Variants in GABRA3 observed in about 807,000 individuals in gnomAD.
GABRA3 encodes gamma-aminobutyric acid type A receptor subunit alpha3.
Under a neutral mutation model 30.1 loss-of-function variants are expected in GABRA3, and 10 were observed. The ratio of observed to expected loss-of-function variants is 0.33; its 90% confidence interval spans 0.20 to 0.56. GABRA3 has a LOEUF of 0.56. Among genes scored for constraint, GABRA3 ranks in the 20% least tolerant of loss-of-function variants. The pLI is 0.89. For missense variants in GABRA3, 233 were observed against 392.0 expected, an observed-to-expected ratio of 0.59 and a Z score of 3.42; for synonymous variants, 151 against 146.8, an observed-to-expected ratio of 1.03 and a Z score of -0.21.
intron 1 of GABRA3, among the ~76,000 whole-genome samples, chrX:152,379,009 G>T (rs1336803803): frequency 9.0e-6 from 1 of 111,370 alleles, no homozygotes; most frequent in Admixed American, 9.6e-5. Context: ...ACAAAACATA[G>T]ATGTCTCTCA....
intron 3 of GABRA3, among the ~76,000 whole-genome samples, chrX:152,298,208 T>C (rs757366865): frequency 2.0e-3 from 219 of 112,168 alleles, no homozygotes; most frequent in African/African-American, 6.6e-3. Context: ...TCAAGTTAAC[T>C]ATGCCTCAGT....
At chrX:152,315,452 C>G (rs763396458) in intron 3 of GABRA3, among the ~76,000 whole-genome samples, 49 of 111,261 alleles carry the variant, frequency 4.4e-4, no homozygotes, top group African/African-American at 1.5e-3. Context: ...AGAAGGAAAC[C>G]CCCAGCTGAA....
chrX:152,394,036 T>A (rs1462273905), intron 1 of GABRA3, among the ~76,000 whole-genome samples: 5 of 111,699 alleles, frequency 4.5e-5, no homozygotes, highest in Admixed American at 2.9e-4. Flanking sequence ...ATCATTGTCA[T>A]GTCATCATCA....
At chrX:152,391,824 C>T (rs1260565883) in intron 1 of GABRA3, among the ~76,000 whole-genome samples, 1 of 111,512 alleles carries the variant, frequency 9.0e-6, no homozygotes. Context: ...GACTAAGGTA[C>T]ACAACCAGAC....
At chrX:152,274,077 C>A (rs1938997765) in intron 4 of GABRA3, among the ~76,000 whole-genome samples, 1 of 111,039 alleles carries the variant, frequency 9.0e-6, no homozygotes, top group African/African-American at 3.3e-5. Context: ...GACAAAAGGG[C>A]ATATTAAAAA....
intron 5 of GABRA3, among the ~76,000 whole-genome samples, chrX:152,232,996 T>G (rs1413631844): frequency 9.0e-6 from 1 of 111,124 alleles, no homozygotes; most frequent in Non-Finnish European, 1.9e-5. Flanking sequence ...TGTTTGTTTT[T>G]GCATTTTAAT....
At chrX:152,216,525 A>C (rs1344630509) in intron 6 of GABRA3, among the ~76,000 whole-genome samples, 1 of 109,284 alleles carries the variant, frequency 9.2e-6, no homozygotes, top group Non-Finnish European at 1.9e-5. Context: ...CATTATGTTA[A>C]ATGAAGTGAG....
chrX:152,382,176 A>C (rs1335607220), intron 1 of GABRA3, among the ~76,000 whole-genome samples: 2 of 112,614 alleles, frequency 1.8e-5, no homozygotes, highest in Non-Finnish European at 3.7e-5. Flanking sequence ...ACATATGAAA[A>C]AAAGTTCATC....
chrX:152,395,557 CAGT>C lies in GABRA3; in HGVS notation c.-26-30964_-26-30962del, dbSNP rs200381418. Among the ~76,000 whole-genome samples the C allele has an allele frequency of 1.4e-3, 157 of 111,698 alleles. 2 individuals carry two copies. The East Asian group carries it at 0.033, about 24-fold the overall frequency. Reference sequence around the variant, plus strand: ...AAGTTTTCAGTTAAGGATAAGATGACAGTGGTGCAAAATGACACCTCATGCCAT... The same window carrying C: ...AAGTTTTCAGTTAAGGATAAGATGACGGTGCAAAATGACACCTCATGCCAT... On this transcript the variant is annotated intron_variant, in intron 1 of 9. Transcript: ENST00000370314.
At chrX:152,437,028 C>A (rs1038875459) in intron 1 of GABRA3, among the ~76,000 whole-genome samples, 6 of 111,091 alleles carry the variant, frequency 5.4e-5, no homozygotes, top group African/African-American at 2.0e-4. Flanking sequence ...AATGGGCAAA[C>A]GATTTGAATG....
intron 1 of GABRA3, among the ~76,000 whole-genome samples, chrX:152,386,553 C>A (rs373852019): frequency 2.7e-5 from 3 of 109,208 alleles, no homozygotes; most frequent in East Asian, 2.9e-4. Context: ...AAAATGCTCA[C>A]CATCACTGGC....
intron 1 of GABRA3, among the ~76,000 whole-genome samples, chrX:152,414,105 C>T (rs949635992): frequency 1.8e-5 from 2 of 111,563 alleles, no homozygotes; most frequent in Admixed American, 1.9e-4. Context: ...TACCATAAGA[C>T]GTATCAATGT....
intron 3 of GABRA3, among the ~76,000 whole-genome samples, chrX:152,287,765 T>C (rs1185762840): frequency 9.1e-6 from 1 of 110,108 alleles, no homozygotes; most frequent in Non-Finnish European, 1.9e-5. Context: ...TCTAAGTACC[T>C]TTCTTCTATT....
At chrX:152,426,615 G>C (rs1488579654) in intron 1 of GABRA3, among the ~76,000 whole-genome samples, 1 of 111,474 alleles carries the variant, frequency 9.0e-6, no homozygotes, top group East Asian at 2.8e-4. Context: ...AAACAGGTAG[G>C]TATACCTCCG....
chrX:152,214,715 C>T (rs369083567), intron 6 of GABRA3, among the ~76,000 whole-genome samples: 71 of 110,924 alleles, frequency 6.4e-4, no homozygotes, highest in Non-Finnish European at 1.1e-3. Context: ...GAACACAAGA[C>T]GTCTTTCTAT....
chrX:152,292,285 T>A (rs1033555804), intron 3 of GABRA3, among the ~76,000 whole-genome samples: 5 of 112,112 alleles, frequency 4.5e-5, no homozygotes, highest in African/African-American at 1.6e-4. Context: ...TTCTTTTAGA[T>A]TTTCTAGTTT....
At chrX:152,317,563 T>C (rs981030771) in intron 3 of GABRA3, among the ~76,000 whole-genome samples, 2 of 111,818 alleles carry the variant, frequency 1.8e-5, no homozygotes, top group Non-Finnish European at 3.8e-5. Context: ...GACCATATGA[T>C]AGGACATAAA....
intron 9 of GABRA3, among the ~76,000 whole-genome samples, chrX:152,172,471 G>A (rs1054966990): frequency 3.6e-5 from 4 of 111,524 alleles, no homozygotes; most frequent in African/African-American, 1.3e-4. Context: ...TATAAGCAGG[G>A]TCTCAAAGAG....
At chrX:152,293,733 C>G (rs1033719084) in intron 3 of GABRA3, among the ~76,000 whole-genome samples, 3 of 111,474 alleles carry the variant, frequency 2.7e-5, no homozygotes, top group Middle Eastern at 4.2e-3. Context: ...ATTGTCTTTA[C>G]AATTTGTCAT....
Sources: gnomAD v4.1 joint callset for allele counts (sites outside exome capture counted in the v4.1 genomes callset) on GRCh38, gnomAD v4.1.1 for gene constraint, MANE v1.5 for transcripts, NCBI Gene and HGNC (gene_info 2026-07-23, HGNC 2026-07-21) for gene names.